Variants in SV2C observed in about 807,000 individuals in gnomAD.
SV2C encodes solute carrier family 22 member B3.
In SV2C, 49 loss-of-function variants were observed where a neutral mutation model predicts 79.7. That is an observed-to-expected ratio of 0.61 (90% CI 0.49 to 0.78). SV2C has a LOEUF of 0.78. SV2C is among the 30% of genes least tolerant of loss of function. The pLI is 0.00. For missense variants in SV2C, 833 were observed against 912.9 expected (o/e 0.91, Z 1.13); for synonymous variants, 334 against 333.2 (o/e 1.00, Z -0.03).
chr5:76,132,521 C>A (rs983876572), intron 2 of SV2C, among the ~76,000 whole-genome samples, 191 bp downstream of exon 2: 7 of 152,170 alleles, frequency 4.6e-5, no homozygotes, highest in Admixed American at 3.9e-4. Flanking sequence ...ATACCCACCA[C>A]CTAGATTCTG....
rs1748970761 is a variant in SV2C, at chr5:76,325,563, T to C, written c.*16T>C. The C allele has an allele frequency of 1.2e-6, 2 of 1,612,230 alleles. No homozygotes were observed. The highest frequency in any genetic ancestry group is 1.7e-6 in the Non-Finnish European group (2 of 1,179,198). ...TCTGATGTAATGGGAAAAAAAGCCA[T>C]CCTTCCTGCGTTTCTTCCTCCTGCC... On this transcript the variant is annotated 3_prime_UTR_variant, in exon 13 of 13. Coordinates refer to ENST00000502798, the MANE Select transcript of SV2C (RefSeq NM_014979.4).
rs187264679 is a variant in SV2C at position 76,290,780 on chromosome 5, G to C, written c.1138-441G>C. ...AAGTGGTGCTCTGAGAATAGTGATG[G>C]GAATGCTTTCAGAACTATAGTTAGG... On this transcript the variant is annotated intron_variant, in intron 6 of 12. Coordinates refer to ENST00000502798, the MANE Select transcript of SV2C (RefSeq NM_014979.4). 1.1e-3 allele frequency among the ~76,000 whole-genome samples: 169 copies of C among 152,224 alleles called. 5 individuals carry two copies. In the South Asian group the frequency reaches 0.028, roughly 25 times the overall value.
chr5:76,165,657 C>A (rs922882605), intron 2 of SV2C, among the ~76,000 whole-genome samples: 6 of 151,952 alleles, frequency 3.9e-5, no homozygotes, highest in East Asian at 1.9e-4. Context: ...GCCCTTGACA[C>A]CCATCGGTTG....
the SV2C span, among the ~76,000 whole-genome samples, chr5:75,883,847 A>AAC: frequency 2.1e-5 from 3 of 145,946 alleles, no homozygotes; most frequent in Admixed American, 6.7e-5. Context: ...TAATATTTAA[A>AAC]AAAAAAACAA....
At chr5:75,956,580 G>A in the SV2C span, among the ~76,000 whole-genome samples, 3 of 151,912 alleles carry the variant, frequency 2.0e-5, no homozygotes, top group African/African-American at 4.8e-5. Flanking sequence ...ATCATCTCTT[G>A]TAGATGGAGG....
At chr5:76,052,619 G>C in the SV2C span, among the ~76,000 whole-genome samples, 2 of 152,152 alleles carry the variant, frequency 1.3e-5, no homozygotes, top group African/African-American at 4.8e-5. Context: ...TGGAGGAAAG[G>C]ATGTGTGTCA....
chr5:76,338,010 G>T (rs1258964660), downstream of SV2C, among the ~76,000 whole-genome samples: 1 of 152,194 alleles, frequency 6.6e-6, no homozygotes, highest in Non-Finnish European at 1.5e-5. Flanking sequence ...GCAGCAGCAT[G>T]CCTGGAGTTG....
chr5:75,928,632 T>A, the SV2C span, among the ~76,000 whole-genome samples: 1 of 152,094 alleles, frequency 6.6e-6, no homozygotes, highest in African/African-American at 2.4e-5. Context: ...ATGATTACAA[T>A]CCCCATTTTT....
chr5:76,033,552 A>C, the SV2C span, among the ~76,000 whole-genome samples: 1 of 152,156 alleles, frequency 6.6e-6, no homozygotes. Flanking sequence ...AAGATCAGAT[A>C]GTTGTAGATA....
At position 76,126,648 on chromosome 5, in the gene SV2C, G is replaced by A. The variant is rs544052260; in HGVS notation, c.-101-5002G>A. Among the ~76,000 whole-genome samples the A allele has an allele frequency of 2.0e-5, 3 of 152,264 alleles. No individual in the cohort carries two copies. The East Asian group carries it at 5.8e-4, about 29-fold the overall frequency. ...TCTTCTAGATCCAAGCTTAAGAGAGGAAGAGGGATGTTATGAGCCCCTCTG... is the reference window on the plus strand; with the variant it reads ...TCTTCTAGATCCAAGCTTAAGAGAGAAAGAGGGATGTTATGAGCCCCTCTG... On this transcript the variant is annotated intron_variant, in intron 1 of 12. Coordinates refer to ENST00000502798, the MANE Select transcript of SV2C (RefSeq NM_014979.4).
intron 12 of SV2C, among the ~76,000 whole-genome samples, chr5:76,316,896 T>G (rs1393631994): frequency 2.0e-5 from 3 of 152,194 alleles, no homozygotes; most frequent in Non-Finnish European, 2.9e-5. Flanking sequence ...TCTTCAACAT[T>G]GCACTCAGCA....
intron 4 of SV2C, among the ~76,000 whole-genome samples, chr5:76,240,346 G>A (rs1301151450): frequency 6.6e-6 from 1 of 152,220 alleles, no homozygotes; most frequent in African/African-American, 2.4e-5. Flanking sequence ...GTGTAGCTGT[G>A]TAAACAGTAG....
intron 1 of SV2C, among the ~76,000 whole-genome samples, chr5:76,086,917 C>G (rs769367056): frequency 6.6e-6 from 1 of 152,150 alleles, no homozygotes; most frequent in Non-Finnish European, 1.5e-5. Flanking sequence ...TTGAGGATGG[C>G]TTACCTATTG....
the SV2C span, among the ~76,000 whole-genome samples, chr5:75,891,856 T>G: frequency 6.6e-6 from 1 of 152,026 alleles, no homozygotes. Context: ...TCTCATCTAG[T>G]CTGTGAGCCA....
At chr5:75,943,855 C>G in the SV2C span, among the ~76,000 whole-genome samples, 2 of 152,136 alleles carry the variant, frequency 1.3e-5, no homozygotes, top group African/African-American at 4.8e-5. Flanking sequence ...TGTATCCTCA[C>G]CCTTCCATAT....
intron 3 of SV2C, among the ~76,000 whole-genome samples, chr5:76,201,593 C>T (rs879356917): frequency 6.6e-6 from 1 of 152,108 alleles, no homozygotes; most frequent in East Asian, 1.9e-4. Flanking sequence ...AGTAAGAATA[C>T]CTTGGCTTTG....
chr5:76,244,097 T>C lies in SV2C; in HGVS notation c.913+34210T>C, dbSNP rs570791350. On this transcript the variant is annotated intron_variant, in intron 4 of 12. Transcript: ENST00000502798. ...GCCCCTAGCTCCTTACACTGATTTA[T>C]AACACACATTCAATATGGCATCTTC... 6.6e-5 allele frequency among the ~76,000 whole-genome samples: 10 copies of C among 152,332 alleles called. No individual in the cohort carries two copies. In the South Asian group the frequency reaches 2.1e-3, roughly 32 times the overall value.
chr5:75,928,967 T>C, the SV2C span, among the ~76,000 whole-genome samples: 1 of 152,198 alleles, frequency 6.6e-6, no homozygotes, highest in Non-Finnish European at 1.5e-5. Context: ...ATTTTGCTTC[T>C]TTCCTCTGCC....
intron 3 of SV2C, among the ~76,000 whole-genome samples, chr5:76,195,971 T>G (rs1744259812): frequency 6.6e-6 from 1 of 152,186 alleles, no homozygotes; most frequent in Admixed American, 6.5e-5. Flanking sequence ...AGACTTTTTT[T>G]TCAAGATGTC....
Sources: allele counts gnomAD v4.1 joint callset (sites outside exome capture counted in the v4.1 genomes callset), GRCh38; gene constraint gnomAD v4.1.1; transcripts MANE v1.5; gene names NCBI Gene and HGNC (gene_info 2026-07-23, HGNC 2026-07-21).